The following MYO1B variants were observed in gnomAD, a reference collection of about 807,000 sequenced individuals.
The protein encoded by MYO1B is myosin IB, also known as unconventional myosin-Ib.
In MYO1B, 72 loss-of-function variants were observed where a neutral mutation model predicts 159.7. That is an observed-to-expected ratio of 0.45 (90% CI 0.37 to 0.55). MYO1B has a LOEUF of 0.55. MYO1B is among the 20% of genes least tolerant of loss of function. The pLI, the probability that MYO1B is intolerant of heterozygous loss-of-function variation, is 0.00. For missense variants in MYO1B, 1,062 were observed against 1,364.8 expected (o/e 0.78, Z 3.50); for synonymous variants, 468 against 473.8 (o/e 0.99, Z 0.16).
intron 26 of MYO1B, among the ~76,000 whole-genome samples, chr2:191,409,851 T>G (rs1697155823): frequency 6.6e-6 from 1 of 152,232 alleles, no homozygotes; most frequent in Admixed American, 6.5e-5. Flanking sequence ...TCAGTTGATA[T>G]GTGGAATGTT....
chr2:191,292,238 G>A (rs1468296583), intron 2 of MYO1B, among the ~76,000 whole-genome samples: 1 of 152,118 alleles, frequency 6.6e-6, no homozygotes, highest in African/African-American at 2.4e-5. Flanking sequence ...AGTCATGTAG[G>A]TATTGATGAA....
At chr2:191,331,250 C>T (rs1221720245) in intron 4 of MYO1B, among the ~76,000 whole-genome samples, 1 of 147,296 alleles carries the variant, frequency 6.8e-6, no homozygotes, top group Non-Finnish European at 1.5e-5. Flanking sequence ...CATGTAAGAG[C>T]CTTAGGTAAC....
intron 1 of MYO1B, among the ~76,000 whole-genome samples, chr2:191,261,797 T>C (rs1440044765): frequency 1.3e-5 from 2 of 152,156 alleles, no homozygotes; most frequent in East Asian, 3.9e-4. Flanking sequence ...GGATGGTTTA[T>C]AGAAGAAAGA....
chr2:191,258,782 A>G (rs566136374), intron 1 of MYO1B, among the ~76,000 whole-genome samples: 1 of 152,318 alleles, frequency 6.6e-6, no homozygotes, highest in East Asian at 1.9e-4. Flanking sequence ...AGGGTATGGC[A>G]TGAGCATGGA....
chr2:191,413,114 C>T (rs913188124), intron 27 of MYO1B, among the ~76,000 whole-genome samples: 4 of 152,070 alleles, frequency 2.6e-5, no homozygotes, highest in Admixed American at 6.6e-5. Context: ...GTTTCATTTC[C>T]AACTTATATT....
At chr2:191,397,141 T>TTTC (rs1250589638) in intron 21 of MYO1B, among the ~76,000 whole-genome samples, 1 of 121,668 alleles carries the variant, frequency 8.2e-6, no homozygotes, top group Non-Finnish European at 1.6e-5. Context: ...TTTTTTTTTT[T>TTTC]TTTTTTTTTT....
chr2:191,259,914 C>T (rs563594511), intron 1 of MYO1B, among the ~76,000 whole-genome samples: 5 of 152,100 alleles, frequency 3.3e-5, no homozygotes, highest in Admixed American at 6.6e-5. Flanking sequence ...ATGCAAGGTC[C>T]GGAGCTTAGG....
At position 191,341,442 on chromosome 2, in the gene MYO1B, G is replaced by A. The variant is rs1692216349; in HGVS notation, c.347-19G>A. The A allele has an allele frequency of 1.2e-6, 2 of 1,602,662 alleles. No individual in the cohort carries two copies. The highest frequency in any genetic ancestry group is 1.3e-5 in the African/African-American group (1 of 74,510). On this transcript the variant is annotated intron_variant, in intron 4 of 30. Coordinates refer to ENST00000392318, the MANE Select transcript of MYO1B (RefSeq NM_001130158.3). Reference sequence around the variant, plus strand: ...AAATTTCTGTGTTATTGATTAATATGGCTTATTTTCATCCACAGAGGCCAG... The same window carrying A: ...AAATTTCTGTGTTATTGATTAATATAGCTTATTTTCATCCACAGAGGCCAG...
At position 191,392,112 on chromosome 2, in the gene MYO1B, G is replaced by C. The variant is rs1276002341; in HGVS notation, c.1987G>C (p.Gly663Arg). 1 of 1,604,026 alleles carries C rather than the reference G, an allele frequency of 6.2e-7. No homozygotes were observed. The highest frequency in any genetic ancestry group is 1.1e-5 in the South Asian group (1 of 89,946). Reference sequence around the variant, plus strand: ...TTTTTATTTTTATTTTTTTAGGTCTGGTGTGGAGGTCCTATTTAATGAATT... The same window carrying C: ...TTTTTATTTTTATTTTTTTAGGTCTCGTGTGGAGGTCCTATTTAATGAATT... Reference protein sequence around the residue: ...WPHWKGPARSGVEVLFNELEI... With the variant: ...WPHWKGPARSRVEVLFNELEI... Residue 663 changes from glycine to arginine, a missense_variant, in exon 19 of 31, where the codon GGT becomes CGT. Coordinates refer to ENST00000392318, the MANE Select transcript of MYO1B (RefSeq NM_001130158.3).
intron 30 of MYO1B, among the ~76,000 whole-genome samples, chr2:191,417,809 A>G (rs116101613): frequency 0.018 from 2,685 of 152,308 alleles, 36 homozygotes; most frequent in Non-Finnish European, 0.03. Context: ...GATTCTCCTG[A>G]GGAGCTTTGC....
chr2:191,343,373 C>T (rs972693810), intron 5 of MYO1B, among the ~76,000 whole-genome samples: 9 of 152,114 alleles, frequency 5.9e-5, no homozygotes, highest in African/African-American at 9.7e-5. Flanking sequence ...GAGAGGCTCC[C>T]GAACACTGAG....
chr2:191,270,782 T>C (rs1687409492), intron 1 of MYO1B, among the ~76,000 whole-genome samples: 1 of 152,248 alleles, frequency 6.6e-6, no homozygotes, highest in South Asian at 2.1e-4. Flanking sequence ...TAAATATGTT[T>C]CTCATGCTAT....
intron 3 of MYO1B, among the ~76,000 whole-genome samples, chr2:191,309,440 G>A (rs1488220421): frequency 6.6e-6 from 1 of 151,952 alleles, no homozygotes; most frequent in Non-Finnish European, 1.5e-5. Flanking sequence ...CCCCTCAACC[G>A]CCAACTTTCT....
chr2:191,296,377 A>ATTCT (rs10622945), intron 3 of MYO1B, 151 bp downstream of exon 3: 173,901 of 326,112 alleles, frequency 0.53, 48,393 homozygotes, highest in East Asian at 0.6. Context: ...TTTAATTGTT[A>ATTCT]TTATTTTAAA....
chr2:191,306,399 T>G (rs957301816), intron 3 of MYO1B, among the ~76,000 whole-genome samples: 1 of 151,954 alleles, frequency 6.6e-6, no homozygotes, highest in Non-Finnish European at 1.5e-5. Flanking sequence ...GGGTGCAAAC[T>G]GAGGATGGGC....
rs561734777 is a variant in MYO1B at position 191,286,436 on chromosome 2, T to C, written c.135+9406T>C. Among the ~76,000 whole-genome samples the C allele has an allele frequency of 2.0e-5, 3 of 152,190 alleles. No individual in the cohort carries two copies. In the East Asian group the frequency reaches 5.8e-4, roughly 29 times the overall value. ...CACCGTGGCATATGACATCTTAATA[T>C]CTTGTGATCAAATTCCCAGGGTCTC... On this transcript the variant is annotated intron_variant, in intron 2 of 30. Transcript: ENST00000392318.
intron 2 of MYO1B, among the ~76,000 whole-genome samples, chr2:191,287,681 T>C (rs1475040693): frequency 6.6e-6 from 1 of 152,162 alleles, no homozygotes; most frequent in Non-Finnish European, 1.5e-5. Context: ...TGAAATGACA[T>C]AGGTAGAATC....
intron 2 of MYO1B, among the ~76,000 whole-genome samples, chr2:191,284,632 T>C (rs936818226): frequency 1.3e-5 from 2 of 152,004 alleles, no homozygotes; most frequent in African/African-American, 4.8e-5. Context: ...GTTTCAGACA[T>C]TGATGTTTTC....
intron 2 of MYO1B, among the ~76,000 whole-genome samples, chr2:191,293,926 G>C (rs1688826700): frequency 6.6e-6 from 1 of 152,170 alleles, no homozygotes; most frequent in Non-Finnish European, 1.5e-5. Flanking sequence ...TAAGCACTGA[G>C]TATAGTATAT....
Sources: allele counts gnomAD v4.1 joint callset (sites outside exome capture counted in the v4.1 genomes callset), GRCh38; gene constraint gnomAD v4.1.1; transcripts MANE v1.5; gene names NCBI Gene and HGNC (gene_info 2026-07-23, HGNC 2026-07-21).